The following HLCS variants were observed in gnomAD, a reference collection of about 807,000 sequenced individuals.
HLCS encodes the protein biotin--protein ligase.
Under a neutral mutation model 75.0 loss-of-function variants are expected in HLCS, and 53 were observed. The observed-to-expected ratio is 0.71, with a 90% CI of 0.57 to 0.89. The LOEUF (loss-of-function observed/expected upper bound fraction) is 0.89. Among genes scored for constraint, HLCS ranks in the 40% least tolerant of loss-of-function variants. The pLI is 0.00. For missense variants in HLCS, 966 were observed against 1,074.0 expected (o/e 0.90, Z 1.41); for synonymous variants, 431 against 428.6 (o/e 1.01, Z -0.07).
At chr21:36,943,002 C>T (rs1001923070) in intron 2 of HLCS, among the ~76,000 whole-genome samples, 13 of 151,920 alleles carry the variant, frequency 8.6e-5, no homozygotes, top group East Asian at 1.9e-4. Flanking sequence ...ACATCAGTCA[C>T]GAAGGAAATG....
At chr21:36,924,046 A>T (rs2066292440) in intron 5 of HLCS, among the ~76,000 whole-genome samples, 2 of 152,216 alleles carry the variant, frequency 1.3e-5, no homozygotes, top group South Asian at 4.1e-4. Flanking sequence ...AAGCTATTCA[A>T]GGTGCACCTG....
chr21:36,775,730 T>C (rs8127533), intron 6 of HLCS, among the ~76,000 whole-genome samples: 152,316 of 152,316 alleles, frequency 1, 76,158 homozygotes, highest in Non-Finnish European at 1. Context: ...GGAGCGGCTC[T>C]TGGTGGAGAG....
At chr21:36,896,764 C>T (rs1285426988) in intron 6 of HLCS, 96 bp downstream of exon 6, 1 of 1,388,500 alleles carries the variant, frequency 7.2e-7, no homozygotes, top group East Asian at 2.3e-5. Flanking sequence ...CAAACGTATT[C>T]CTCTACAACT....
intron 6 of HLCS, among the ~76,000 whole-genome samples, chr21:36,877,246 A>T (rs1361404263): frequency 1.3e-5 from 2 of 152,200 alleles, no homozygotes; most frequent in African/African-American, 2.4e-5. Flanking sequence ...CATTTAATGT[A>T]AATATTGATA....
intron 6 of HLCS, among the ~76,000 whole-genome samples, chr21:36,864,211 C>T (rs1243089843): frequency 1.3e-5 from 2 of 151,896 alleles, no homozygotes; most frequent in East Asian, 3.9e-4. Flanking sequence ...ACCAGCCTGG[C>T]CAACATGGTG....
Position 36,880,496 on chromosome 21 carries a change from C to CA in HLCS, c.1892+16363dup, listed in dbSNP as rs932638995. On this transcript the variant is annotated intron_variant, in intron 6 of 10. Coordinates refer to ENST00000674895, the MANE Select transcript of HLCS (RefSeq NM_001352514.2). ...TTACCTCAATGGGCATCACAGAATG[C>CA]AAAAAAAAAAATCATATTACATTTC... is the stretch of plus-strand genomic sequence containing the variant. Among the ~76,000 whole-genome samples, 161 of 143,442 alleles carry CA rather than the reference C, an allele frequency of 1.1e-3. 2 individuals carry two copies. Among genetic ancestry groups the CA allele is most frequent in the Non-Finnish European group, 8.1e-4 (53 of 65,378 alleles). The allele number at this position is 143,442 out of a possible 152,430, so 94.1% of individuals were successfully genotyped here.
In HLCS at chr21:36,926,805, C is replaced by T. The variant is rs1347038902; in HGVS notation, c.1620+3446G>A. ...TTGCCCAGGCTGGAGTGCAGTGGCACAATCATAGCTCACTACAGCCTCAAC... is the reference window on the plus strand; with the variant it reads ...TTGCCCAGGCTGGAGTGCAGTGGCATAATCATAGCTCACTACAGCCTCAAC... On this transcript the variant is annotated intron_variant, in intron 5 of 10. Transcript: ENST00000674895. 2.7e-4 allele frequency among the ~76,000 whole-genome samples: 40 copies of T among 147,826 alleles called. 1 individual carries two copies. Among genetic ancestry groups the T allele is most frequent in the South Asian group, 2.1e-4 (1 of 4,678 alleles).
At chr21:36,809,420 T>A (rs1489462602) in intron 6 of HLCS, among the ~76,000 whole-genome samples, 2 of 152,228 alleles carry the variant, frequency 1.3e-5, no homozygotes, top group African/African-American at 4.8e-5. Context: ...GTGGGATTTT[T>A]AAATATTTAT....
chr21:36,779,886 G>A (rs1259014422), intron 6 of HLCS, among the ~76,000 whole-genome samples: 4 of 151,852 alleles, frequency 2.6e-5, no homozygotes, highest in African/African-American at 7.3e-5. Context: ...AGTATACTCC[G>A]AGAAGTGTCA....
chr21:36,853,955 G>C (rs1219094051), intron 6 of HLCS, among the ~76,000 whole-genome samples: 2 of 152,060 alleles, frequency 1.3e-5, no homozygotes, highest in Admixed American at 1.3e-4. Flanking sequence ...GACTTTTCAA[G>C]CATAAAAATG....
chr21:36,895,972 G>T (rs1201635996), intron 6 of HLCS, among the ~76,000 whole-genome samples: 1 of 152,054 alleles, frequency 6.6e-6, no homozygotes, highest in Non-Finnish European at 1.5e-5. Context: ...TTTAATCAGA[G>T]TCTATGTAAC....
intron 2 of HLCS, among the ~76,000 whole-genome samples, chr21:36,956,322 G>A (rs2067943223): frequency 1.3e-5 from 2 of 152,248 alleles, no homozygotes; most frequent in South Asian, 2.1e-4. Flanking sequence ...AAATCCACAG[G>A]TGAATGAGAT....
intron 6 of HLCS, among the ~76,000 whole-genome samples, chr21:36,801,237 A>G (rs891305855): frequency 1.3e-5 from 2 of 152,224 alleles, no homozygotes; most frequent in Non-Finnish European, 2.9e-5. Flanking sequence ...AAACACACCC[A>G]GTTCACAATA....
At chr21:36,947,983 G>A (rs372977008) in intron 2 of HLCS, 11 of 985,192 alleles carry the variant, frequency 1.1e-5, no homozygotes, top group East Asian at 1.1e-4. Context: ...GGCTGGAAAC[G>A]CAGAGGTAAA....
At chr21:36,962,912 C>G (rs1322620743) in intron 1 of HLCS, among the ~76,000 whole-genome samples, 3 of 151,838 alleles carry the variant, frequency 2.0e-5, no homozygotes, top group Non-Finnish European at 4.4e-5. Context: ...CATCACAGCA[C>G]AGGGCACCAG....
At chr21:36,805,870 G>C (rs919871146) in intron 6 of HLCS, among the ~76,000 whole-genome samples, 34 of 152,330 alleles carry the variant, frequency 2.2e-4, no homozygotes, top group African/African-American at 7.2e-4. Flanking sequence ...TAATTTATGA[G>C]AAACTAATTT....
intron 6 of HLCS, among the ~76,000 whole-genome samples, chr21:36,826,822 T>A (rs1385558068): frequency 6.6e-6 from 1 of 152,226 alleles, no homozygotes. Context: ...CATTCTGCTA[T>A]ACTGCCTCCC....
intron 6 of HLCS, among the ~76,000 whole-genome samples, chr21:36,807,109 G>C (rs567031725): frequency 5.3e-5 from 8 of 152,318 alleles, no homozygotes; most frequent in African/African-American, 1.9e-4. Context: ...TGCAAAAAAG[G>C]AGTTGCCATC....
intron 6 of HLCS, among the ~76,000 whole-genome samples, chr21:36,771,930 C>T (rs1340129929): frequency 2.0e-5 from 3 of 150,652 alleles, no homozygotes; most frequent in African/African-American, 7.3e-5. Context: ...ACCCAGGGGG[C>T]GGAGGCTGCA....
Sources: gnomAD v4.1 joint callset for allele counts (sites outside exome capture counted in the v4.1 genomes callset) on GRCh38, gnomAD v4.1.1 for gene constraint, MANE v1.5 for transcripts, NCBI Gene and HGNC (gene_info 2026-07-23, HGNC 2026-07-21) for gene names.